The following SLC14A2 variants were observed in gnomAD, a reference collection of about 807,000 sequenced individuals.
SLC14A2 encodes solute carrier family 14 member 2, also known as urea transporter 2.
In SLC14A2, 91 loss-of-function variants were observed where a neutral mutation model predicts 104.6. The observed-to-expected ratio is 0.87, with a 90% CI of 0.73 to 1.04. The LOEUF (loss-of-function observed/expected upper bound fraction) is 1.04. SLC14A2 is among the 50% of genes least tolerant of loss of function. The pLI is 0.00. For missense variants in SLC14A2, 1,189 were observed against 1,156.0 expected, an observed-to-expected ratio of 1.03 and a Z score of -0.41; for synonymous variants, 476 against 466.4, an observed-to-expected ratio of 1.02 and a Z score of -0.27.
chr18:45,263,198 G>A (rs758312725), intron 1 of SLC14A2, among the ~76,000 whole-genome samples: 1 of 152,188 alleles, frequency 6.6e-6, no homozygotes, highest in South Asian at 2.1e-4. Context: ...TACTTTTGAA[G>A]AGTCTTGGTC....
At chr18:45,194,380 T>C in the SLC14A2 span, among the ~76,000 whole-genome samples, 2 of 152,206 alleles carry the variant, frequency 1.3e-5, no homozygotes, top group Non-Finnish European at 2.9e-5. Flanking sequence ...CTATTCCTAA[T>C]TTATGACAGT....
intron 1 of SLC14A2, among the ~76,000 whole-genome samples, chr18:45,391,270 G>T (rs886451034): frequency 1.3e-5 from 2 of 152,148 alleles, no homozygotes; most frequent in Non-Finnish European, 2.9e-5. Flanking sequence ...ATTTTTTATG[G>T]CTGCATAGTA....
At chr18:45,198,586 A>G in the SLC14A2 span, among the ~76,000 whole-genome samples, 3 of 151,918 alleles carry the variant, frequency 2.0e-5, no homozygotes, top group Non-Finnish European at 4.4e-5. Flanking sequence ...TTACTTCTCT[A>G]TTTCCCTCAT....
At chr18:45,425,923 G>A (rs1168694810) in intron 1 of SLC14A2, among the ~76,000 whole-genome samples, 1 of 151,890 alleles carries the variant, frequency 6.6e-6, no homozygotes, top group East Asian at 1.9e-4. Flanking sequence ...TGCTGTCCCC[G>A]ACTTCAGAAA....
At chr18:45,372,775 T>A (rs1337838325) in intron 1 of SLC14A2, among the ~76,000 whole-genome samples, 1 of 152,222 alleles carries the variant, frequency 6.6e-6, no homozygotes, top group East Asian at 1.9e-4. Flanking sequence ...AAGCCATGGA[T>A]GGAATTTTAA....
chr18:45,653,955 G>A (rs749890842), intron 10 of SLC14A2, among the ~76,000 whole-genome samples: 14 of 152,180 alleles, frequency 9.2e-5, no homozygotes, highest in African/African-American at 2.2e-4. Flanking sequence ...ATGCTGGAGC[G>A]AGAATTCTAA....
At chr18:45,449,316 C>T (rs1353003496) in intron 1 of SLC14A2, among the ~76,000 whole-genome samples, 1 of 152,196 alleles carries the variant, frequency 6.6e-6, no homozygotes, top group African/African-American at 2.4e-5. Flanking sequence ...GCAAATCCCA[C>T]TTCTTCACCT....
At chr18:45,399,459 A>G (rs566442694) in intron 1 of SLC14A2, among the ~76,000 whole-genome samples, 3 of 152,160 alleles carry the variant, frequency 2.0e-5, no homozygotes, top group Non-Finnish European at 2.9e-5. Context: ...ACACCTTCCT[A>G]GAGCCTTATA....
At chr18:45,531,907 C>T (rs1157501165) in intron 2 of SLC14A2, among the ~76,000 whole-genome samples, 1 of 152,148 alleles carries the variant, frequency 6.6e-6, no homozygotes, top group Non-Finnish European at 1.5e-5. Context: ...CCAGTTTCAG[C>T]TTTCTACATA....
chr18:45,567,084 G>GTGTGTGTGTA (rs1568279313), intron 2 of SLC14A2, among the ~76,000 whole-genome samples: 1 of 150,314 alleles, frequency 6.7e-6, no homozygotes, highest in Non-Finnish European at 1.5e-5. Context: ...GTGTGTGTGT[G>GTGTGTGTGTA]TGTGTGTGTG....
intron 1 of SLC14A2, among the ~76,000 whole-genome samples, chr18:45,301,084 C>A (rs2084964089): frequency 6.6e-6 from 1 of 152,122 alleles, no homozygotes; most frequent in Admixed American, 6.5e-5. Context: ...GATGGCTGGG[C>A]CAGAGGCACA....
At chr18:45,337,650 A>C (rs905913909) in intron 1 of SLC14A2, among the ~76,000 whole-genome samples, 4 of 152,184 alleles carry the variant, frequency 2.6e-5, no homozygotes, top group African/African-American at 9.7e-5. Flanking sequence ...GGCAGAGCTG[A>C]CCAGCATTAA....
intron 1 of SLC14A2, among the ~76,000 whole-genome samples, chr18:45,342,141 C>T (rs148728589): frequency 4.0e-4 from 61 of 152,256 alleles, no homozygotes; most frequent in African/African-American, 1.1e-3. Flanking sequence ...CCCCTAGGAA[C>T]GAGGTTCGGT....
At chr18:45,408,807 G>A (rs1337392712) in intron 1 of SLC14A2, among the ~76,000 whole-genome samples, 4 of 152,120 alleles carry the variant, frequency 2.6e-5, no homozygotes, top group East Asian at 1.9e-4. Flanking sequence ...GACAAAAAGA[G>A]GACCCAGAAT....
chr18:45,261,871 T>C (rs1008910933), intron 1 of SLC14A2, among the ~76,000 whole-genome samples: 2 of 152,244 alleles, frequency 1.3e-5, no homozygotes, highest in Admixed American at 6.5e-5. Context: ...TAAACGTACA[T>C]GTGCATGTGT....
rs183370306 is a variant in SLC14A2, at chr18:45,549,072, C to T, written c.-35+65750C>T. Among the ~76,000 whole-genome samples the T allele has an allele frequency of 4.9e-4, 75 of 152,342 alleles. 1 individual carries two copies. Among genetic ancestry groups the T allele is most frequent in the Admixed American group, 2.5e-3 (38 of 15,306 alleles). On this transcript the variant is annotated intron_variant, in intron 2 of 20. Coordinates refer to the SLC14A2 transcript ENST00000586448. ...CTCCTCCATCCTCCTTCCTATGCTG[C>T]CAGTTCCCCTTTCTTCACAGTCAGA...
At chr18:45,264,681 A>G (rs116576942) in intron 1 of SLC14A2, among the ~76,000 whole-genome samples, 1,978 of 152,252 alleles carry the variant, frequency 0.013, 47 homozygotes, top group African/African-American at 0.045. Flanking sequence ...TATAAAATCA[A>G]CAGATCTCGT....
intron 1 of SLC14A2, among the ~76,000 whole-genome samples, chr18:45,256,086 C>T (rs912478317): frequency 6.6e-6 from 1 of 152,170 alleles, no homozygotes; most frequent in Non-Finnish European, 1.5e-5. Flanking sequence ...CTGGAGGTGC[C>T]GGAACAAATG....
chr18:45,296,322 CT>C (rs2084917837), intron 1 of SLC14A2, among the ~76,000 whole-genome samples: 1 of 152,158 alleles, frequency 6.6e-6, no homozygotes, highest in East Asian at 1.9e-4. Context: ...AAGAACAGTT[CT>C]TGCCTTCCAA....
Sources: allele counts gnomAD v4.1 joint callset (sites outside exome capture counted in the v4.1 genomes callset), GRCh38; gene constraint gnomAD v4.1.1; transcripts MANE v1.5; gene names NCBI Gene and HGNC (gene_info 2026-07-23, HGNC 2026-07-21).